The following TSC1 variants were observed in gnomAD, a reference collection of about 807,000 sequenced individuals.
TSC1 encodes hamartin.
TSC1 carries 20 observed loss-of-function variants against 124.3 expected under a neutral mutation model. The ratio of observed to expected loss-of-function variants is 0.16; its 90% confidence interval spans 0.11 to 0.23. TSC1 has a LOEUF of 0.23. Ranked by LOEUF, TSC1 falls within the 10% of genes least tolerant of loss-of-function variation. The pLI is 1.00. For synonymous variants in TSC1, 493 were observed against 539.1 expected (o/e 0.91, Z 1.19); for missense variants, 1,124 against 1,448.5 (o/e 0.78, Z 3.64).
chr9:132,933,575 C>T (rs1197264769), intron 2 of TSC1, among the ~76,000 whole-genome samples: 1 of 152,156 alleles, frequency 6.6e-6, no homozygotes, highest in Admixed American at 6.5e-5. Context: ...AAACCATCTA[C>T]CAGAAACTTT....
In TSC1 at chr9:132,903,635, C is replaced by T; in HGVS notation, c.2208+16G>A. On this transcript the variant is annotated intron_variant, in intron 17 of 22. Transcript: ENST00000298552. This position sits in a 1 kb window ranked among gnomAD's most constrained non-coding sequence, Gnocchi z 5.9. ...AACAAAAAGCAAGCTCCACCTGTCC[C>T]CTCCCCAGTCCTCACCATGGCAGCA... The T allele has an allele frequency of 6.2e-7, 1 of 1,612,038 alleles. No individual in the cohort carries two copies. Among genetic ancestry groups the T allele is most frequent in the Non-Finnish European group, 8.5e-7 (1 of 1,179,812 alleles).
Position 132,921,248 on chromosome 9 carries a change from G to C in TSC1, c.737+115C>G. 8.9e-7 allele frequency: 1 copy of C among 1,129,530 alleles called. No homozygotes were observed. The highest frequency in any genetic ancestry group is 2.0e-5 in the Admixed American group (1 of 51,208). 70.0% of individuals were successfully genotyped at this position (1,129,530 alleles called of 1,614,324 possible). On this transcript the variant is annotated intron_variant, in intron 8 of 22. Coordinates refer to ENST00000298552, the MANE Select transcript of TSC1 (RefSeq NM_000368.5). The surrounding 1 kb of genome is among the most constrained non-coding windows in gnomAD (Gnocchi z 4.3). The stretch of plus-strand genomic sequence containing the variant: ...CTGTATGAGTGCTTCCAAGTGGACT[G>C]ATTCTGTAAGTAGAACATCTATATT...
At chr9:132,914,637 T>C (rs1445273126) in intron 8 of TSC1, among the ~76,000 whole-genome samples, 8 of 149,564 alleles carry the variant, frequency 5.3e-5, no homozygotes, top group Non-Finnish European at 1.5e-5. Flanking sequence ...GGCAGGCGGA[T>C]TACTTGAGGC....
At chr9:132,926,761 G>C (rs1053325970) in intron 4 of TSC1, 1 of 212,262 alleles carries the variant, frequency 4.7e-6, no homozygotes, top group Non-Finnish European at 9.6e-6. Context: ...TGCAACCTCC[G>C]CCTCCCAGGT....
intron 2 of TSC1, chr9:132,934,405 T>G (rs1019176945): frequency 6.6e-6 from 1 of 152,114 alleles, no homozygotes; most frequent in Non-Finnish European, 1.5e-5. Context: ...ATATAATTTA[T>G]CCCCCAAAAT....
At chr9:132,944,694 C>A, upstream of TSC1, 1 of 398,806 alleles carries the variant, frequency 2.5e-6, no homozygotes, top group East Asian at 3.6e-5. Context: ...CGGACCTCCC[C>A]TCCTTCTCGA....
rs2131743743 is a variant in TSC1 at position 132,902,836 on chromosome 9, C to A, written c.2209-49G>T. 6.3e-7 allele frequency: 1 copy of A among 1,598,462 alleles called. No individual in the cohort carries two copies. Among genetic ancestry groups the A allele is most frequent in the East Asian group, 2.2e-5 (1 of 44,808 alleles). The stretch of plus-strand genomic sequence containing the variant: ...CATTTTAGCTGTCTTCCAACACAGG[C>A]AATTTAACACACACTGCGAACATTT... On this transcript the variant is annotated intron_variant, in intron 17 of 22. Coordinates refer to ENST00000298552, the MANE Select transcript of TSC1 (RefSeq NM_000368.5). The surrounding 1 kb of genome is among the most constrained non-coding windows in gnomAD (Gnocchi z 5.2).
intron 8 of TSC1, among the ~76,000 whole-genome samples, chr9:132,920,756 G>A (rs766312126): frequency 6.6e-6 from 1 of 151,926 alleles, no homozygotes; most frequent in Non-Finnish European, 1.5e-5. Flanking sequence ...GAAGGAGCTG[G>A]GCCTCCCACA....
rs1844968871 is a variant in TSC1, at chr9:132,895,194, G to A, written c.*1041C>T. The A allele has an allele frequency of 4.3e-6, 1 of 233,072 alleles. No individual in the cohort carries two copies. Among genetic ancestry groups the A allele is most frequent in the Admixed American group, 5.6e-5 (1 of 17,740 alleles). 14.4% of individuals were successfully genotyped at this position (233,072 alleles called of 1,614,324 possible). On this transcript the variant is annotated 3_prime_UTR_variant, in exon 23 of 23. Transcript: ENST00000298552. ...CTGCTACAGTGAGGCAACCCTAATG[G>A]CCTGGGAAATGATGGTCACATACAC...
Position 132,905,952 on chromosome 9 carries a change from C to T in TSC1, c.1626G>A (p.Lys542=), listed in dbSNP as rs756935981. 5.0e-6 allele frequency: 8 copies of T among 1,613,926 alleles called. No individual in the cohort carries two copies. Among genetic ancestry groups the T allele is most frequent in the Non-Finnish European group, 6.8e-6 (8 of 1,179,952 alleles). The change falls in exon 15 of 23, where the codon AAG becomes AAA. Residue 542 remains lysine (K), a synonymous_variant. Transcript: ENST00000298552. ...NPEPLHSSLD[K]LGPDTPKQAF... ...CTTGCTTTGGTGTGTCAGGCCCAAG[C>T]TTGTCCAGGGAGGAGTGTAAAGGCT...
Position 132,891,520 on chromosome 9 carries a change from G to C in TSC1, c.*4715C>G, listed in dbSNP as rs972317679. On this transcript the variant is annotated 3_prime_UTR_variant, in exon 23 of 23. Transcript: ENST00000298552. Reference sequence around the variant, plus strand: ...TTTATGGCATCTGATGTGGATTGTTGACATGCTTTTAGGATTGAGGCGGGA... The same window carrying C: ...TTTATGGCATCTGATGTGGATTGTTCACATGCTTTTAGGATTGAGGCGGGA... 4.3e-6 allele frequency: 1 copy of C among 233,304 alleles called. No homozygotes were observed. The highest frequency in any genetic ancestry group is 8.5e-6 in the Non-Finnish European group (1 of 117,958). The allele number at this position is 233,304 out of a possible 1,614,324, so 14.5% of individuals were successfully genotyped here. A position where few individuals can be genotyped will look rare whatever the true frequency, so the allele number is the denominator to read the frequency against.
rs551443152 is a variant in TSC1, at chr9:132,929,818, C to G, written c.-80-866G>C. Among the ~76,000 whole-genome samples, 12 of 152,220 alleles carry G rather than the reference C, an allele frequency of 7.9e-5. No homozygotes were observed. The South Asian group carries it at 2.5e-3, about 32-fold the overall frequency. On this transcript the variant is annotated intron_variant, in intron 2 of 22. Transcript: ENST00000298552. ...ACTTTTGTCCCCATTGTACAGGGAGCAGAATGGAGATCAAGCCATTTGTTC... is the reference window on the plus strand; with the variant it reads ...ACTTTTGTCCCCATTGTACAGGGAGGAGAATGGAGATCAAGCCATTTGTTC...
chr9:132,943,916 G>A (rs1413738783), intron 1 of TSC1: 1 of 152,156 alleles, frequency 6.6e-6, no homozygotes, highest in Non-Finnish European at 1.5e-5. Flanking sequence ...CCTAGGAGGG[G>A]CTCTGCAAAT....
chr9:132,942,747 A>G (rs1847806243), intron 1 of TSC1, among the ~76,000 whole-genome samples: 1 of 152,252 alleles, frequency 6.6e-6, no homozygotes, highest in Non-Finnish European at 1.5e-5. Flanking sequence ...GGCACGTGAT[A>G]TAAGAGTGTT....
rs118203361 is a variant in TSC1, at chr9:132,925,678, G to C, written c.272C>G (p.Ser91Trp). The C allele has an allele frequency of 6.2e-7, 1 of 1,614,086 alleles. No homozygotes were observed. Among genetic ancestry groups the C allele is most frequent in the African/African-American group, 1.3e-5 (1 of 74,922 alleles). ...CAGTCTTATGACATGACCCAGTAAC[G>C]AGAGGATGGATAAACGAGTGGCGGC... ...GKAATRLSILSLLGHVIRLQP... is the reference protein window; with the variant it reads ...GKAATRLSILWLLGHVIRLQP... Residue 91 changes from serine to tryptophan, a missense_variant, in exon 5 of 23, where the codon TCG (serine) becomes TGG (tryptophan). This residue lies in a region of TSC1 where 463 missense variants were observed against 606.8 expected (regional missense o/e 0.76). Coordinates refer to ENST00000298552, the MANE Select transcript of TSC1 (RefSeq NM_000368.5).
rs1055819660 is a variant in TSC1 at position 132,903,894 on chromosome 9, T to G, written c.2042-77A>C. On this transcript the variant is annotated intron_variant, in intron 16 of 22. Coordinates refer to ENST00000298552, the MANE Select transcript of TSC1 (RefSeq NM_000368.5). This position sits in a 1 kb window ranked among gnomAD's most constrained non-coding sequence, Gnocchi z 5.9. Reference sequence around the variant, plus strand: ...AATCAAGCCCCCTTCCCATGTGTTGTTAGCTTAACAAACACAATTCTTTAA... The same window carrying G: ...AATCAAGCCCCCTTCCCATGTGTTGGTAGCTTAACAAACACAATTCTTTAA... The G allele has an allele frequency of 6.5e-7, 1 of 1,546,792 alleles. No individual in the cohort carries two copies. The highest frequency in any genetic ancestry group is 1.4e-5 in the African/African-American group (1 of 73,668).
chr9:132,931,879 G>A (rs938884745), intron 2 of TSC1, among the ~76,000 whole-genome samples: 2 of 152,152 alleles, frequency 1.3e-5, no homozygotes, highest in Non-Finnish European at 2.9e-5. Context: ...ACTCAGTCAG[G>A]GGTGGTGGTA....
intron 1 of TSC1, chr9:132,939,210 C>A (rs191583232): frequency 6.6e-5 from 10 of 152,174 alleles, no homozygotes; most frequent in African/African-American, 2.4e-4. Flanking sequence ...TGAACCAAGA[C>A]GCCTTCAGCA....
At position 132,905,969 on chromosome 9, in the gene TSC1, G is replaced by A. The variant is rs2131838273; in HGVS notation, c.1609C>T (p.His537Tyr). Residue 537 changes from histidine (H) to tyrosine (Y), a missense_variant, in exon 15 of 23, where the codon CAC becomes TAC. His to Tyr is a moderately conservative substitution (Grantham distance 83, BLOSUM62 2). Around this residue, in one of 5 missense-constraint regions of TSC1, gnomAD observed 321 missense variants for 397.4 expected, o/e 0.81. Transcript: ENST00000298552. Reference sequence around the variant, plus strand: ...GGCCCAAGCTTGTCCAGGGAGGAGTGTAAAGGCTCAGGGTTCACGCTGGCG... The same window carrying A: ...GGCCCAAGCTTGTCCAGGGAGGAGTATAAAGGCTCAGGGTTCACGCTGGCG... Reference protein sequence around the residue: ...QGASVNPEPLHSSLDKLGPDT... With the variant: ...QGASVNPEPLYSSLDKLGPDT... 6.2e-7 allele frequency: 1 copy of A among 1,614,090 alleles called. No individual in the cohort carries two copies. The highest frequency in any genetic ancestry group is 8.5e-7 in the Non-Finnish European group (1 of 1,179,986).
Sources: gnomAD v4.1 joint callset for allele counts (sites outside exome capture counted in the v4.1 genomes callset) on GRCh38, gnomAD v4.1.1 for gene constraint, gnomAD v4.1.1 regional missense constraint, Gnocchi (gnomAD v3.1) non-coding constraint, MANE v1.5 for transcripts, NCBI Gene and HGNC (gene_info 2026-07-23, HGNC 2026-07-21) for gene names.